The following GLDC variants were observed in gnomAD, a reference collection of about 807,000 sequenced individuals.
GLDC encodes the protein glycine decarboxylase.
Under a neutral mutation model 121.3 loss-of-function variants are expected in GLDC, and 104 were observed. The ratio of observed to expected loss-of-function variants is 0.86; its 90% confidence interval spans 0.73 to 1.01. GLDC has a LOEUF of 1.01. Ranked by LOEUF, GLDC falls within the 50% of genes least tolerant of loss-of-function variation. The pLI is 0.00. For synonymous variants in GLDC, 546 were observed against 480.6 expected, an observed-to-expected ratio of 1.14 and a Z score of -1.78; for missense variants, 1,429 against 1,306.6, an observed-to-expected ratio of 1.09 and a Z score of -1.44.
rs1281499479 is a variant in GLDC, at chr9:6,606,661, T to G, written c.644A>C (p.Lys215Thr). 1.9e-6 allele frequency: 3 copies of G among 1,596,684 alleles called. No homozygotes were observed. The highest frequency in any genetic ancestry group is 3.3e-4 in the Middle Eastern group (2 of 6,018). Residue 215 changes from lysine (K) to threonine (T), a missense_variant, in exon 5 of 25, where the codon AAG becomes ACG. Physicochemically the swap from Lys to Thr is moderately conservative, Grantham distance 78. Coordinates refer to ENST00000321612, the MANE Select transcript of GLDC (RefSeq NM_000170.3). Reference protein sequence around the residue: ...EALQLCYRHNKRRKFLVDPRC... With the variant: ...EALQLCYRHNTRRKFLVDPRC... ...GGGATCAACGAGAAATTTCCTCCTCTTGTTGTGTCTGTTGAAAAGAAAAAG... is the reference window on the plus strand; with the variant it reads ...GGGATCAACGAGAAATTTCCTCCTCGTGTTGTGTCTGTTGAAAAGAAAAAG...
chr9:6,593,002 A>T lies in GLDC; in HGVS notation c.1262-12T>A, dbSNP rs1818408232. On this transcript the variant is annotated splice_polypyrimidine_tract_variant and intron_variant, in intron 9 of 24. Transcript: ENST00000321612. ...TGCTCGCTTGAGACCTACACAAGAT[A>T]GGAGATCCCCCAAACTCTCATATAG... is the stretch of plus-strand genomic sequence containing the variant. 2 of 1,613,992 alleles carry T rather than the reference A, an allele frequency of 1.2e-6. No homozygotes were observed. The highest frequency in any genetic ancestry group is 4.5e-5 in the East Asian group (2 of 44,880).
rs576749831 is a variant in GLDC at position 6,613,539 on chromosome 9, T to G, written c.471-3183A>C. 7.9e-5 allele frequency among the ~76,000 whole-genome samples: 12 copies of G among 152,334 alleles called. No individual in the cohort carries two copies. The South Asian group carries it at 2.5e-3, about 32-fold the overall frequency. On this transcript the variant is annotated intron_variant, in intron 3 of 24. Transcript: ENST00000321612. Reference sequence around the variant, plus strand: ...CATGAACAATGTCTAACATAACATCTTTAAATACTATTCAAAAACATGATT... The same window carrying G: ...CATGAACAATGTCTAACATAACATCGTTAAATACTATTCAAAAACATGATT...
rs1055271179 is a variant in GLDC at position 6,622,971 on chromosome 9, G to C, written c.335-2652C>G. On this transcript the variant is annotated intron_variant, in intron 2 of 24. Transcript: ENST00000321612. Reference sequence around the variant, plus strand: ...AGGTGAGGAACGTCTCCGCCCGGCAGCCACCCCGTCCGGGAGGGAGGTGGG... The same window carrying C: ...AGGTGAGGAACGTCTCCGCCCGGCACCCACCCCGTCCGGGAGGGAGGTGGG... 2.3e-4 allele frequency: 45 copies of C among 191,496 alleles called. 1 individual carries two copies. Among genetic ancestry groups the C allele is most frequent in the Middle Eastern group, 2.5e-3 (1 of 402 alleles). The allele number at this position is 191,496 out of a possible 1,614,324, so 11.9% of individuals were successfully genotyped here.
At chr9:6,603,785 G>A (rs1818672099) in intron 7 of GLDC, among the ~76,000 whole-genome samples, 1 of 147,828 alleles carries the variant, frequency 6.8e-6, no homozygotes. Context: ...ACTGGAGTGA[G>A]GCAGCGCGAT....
In GLDC at chr9:6,597,475, G is replaced by A. The variant is rs929019574; in HGVS notation, c.1156-2356C>T. Among the ~76,000 whole-genome samples the A allele has an allele frequency of 2.0e-5, 3 of 152,274 alleles. No homozygotes were observed. In the South Asian group the frequency reaches 6.2e-4, roughly 32 times the overall value. The stretch of plus-strand genomic sequence containing the variant: ...GCTGGATGCAGTGGCTCACACCAGT[G>A]ATCCCAACACTTTGGGAGGCTGAGG... On this transcript the variant is annotated intron_variant, in intron 8 of 24. Transcript: ENST00000321612.
intron 15 of GLDC, among the ~76,000 whole-genome samples, chr9:6,585,868 GTATCTATC>G (rs1214635048): frequency 1.2e-4 from 14 of 116,458 alleles, no homozygotes; most frequent in East Asian, 3.9e-4. Context: ...ATGTATGTAT[GTATCTATC>G]TATCTATCTA....
chr9:6,561,779 A>G (rs1019196708), intron 16 of GLDC, among the ~76,000 whole-genome samples: 2 of 151,966 alleles, frequency 1.3e-5, no homozygotes, highest in Admixed American at 1.3e-4. Flanking sequence ...TGTTTTCTCA[A>G]CTCCCCAGGG....
rs1451541294 is a variant in GLDC at position 6,620,043 on chromosome 9, CG to C, written c.470+140del. Reference sequence around the variant, plus strand: ...GAACATTTCTCGATCCAGAGAAACCCGGTAGGTTCCCGGACATTGGAGACAG... The same window carrying C: ...GAACATTTCTCGATCCAGAGAAACCCGTAGGTTCCCGGACATTGGAGACAG... On this transcript the variant is annotated intron_variant, in intron 3 of 24. Transcript: ENST00000321612. The C allele has an allele frequency of 4.9e-6, 4 of 811,216 alleles. No individual in the cohort carries two copies. The East Asian group carries it at 1.0e-4, about 20-fold the overall frequency. The allele number at this position is 811,216 out of a possible 1,614,324, so 50.3% of individuals were successfully genotyped here.
At chr9:6,597,681 A>C (rs1419685229) in intron 8 of GLDC, among the ~76,000 whole-genome samples, 1 of 152,080 alleles carries the variant, frequency 6.6e-6, no homozygotes, top group Non-Finnish European at 1.5e-5. Flanking sequence ...TAACGCCTGT[A>C]ATCCCAGCAC....
chr9:6,599,991 C>T (rs1289094202), intron 8 of GLDC, among the ~76,000 whole-genome samples: 5 of 152,106 alleles, frequency 3.3e-5, no homozygotes, highest in Non-Finnish European at 4.4e-5. Context: ...TGGTTCTAGA[C>T]GCCAAAGCCC....
chr9:6,553,786 T>C (rs1011903217), intron 19 of GLDC, among the ~76,000 whole-genome samples: 1 of 151,998 alleles, frequency 6.6e-6, no homozygotes, highest in African/African-American at 2.4e-5. Flanking sequence ...TGGAGTTCCA[T>C]GTCCCTCCCT....
intron 4 of GLDC, 66 bp downstream of exon 4, chr9:6,610,126 G>T: frequency 8.1e-7 from 1 of 1,227,536 alleles, no homozygotes; most frequent in South Asian, 1.3e-5. Context: ...ATATACTATA[G>T]AAAGAAAACA....
intron 21 of GLDC, chr9:6,540,417 G>A (rs1817230712): frequency 4.5e-6 from 2 of 446,650 alleles, no homozygotes; most frequent in South Asian, 4.3e-5. Flanking sequence ...TGGCAGGTGG[G>A]GGGCATTACT....
intron 4 of GLDC, 88 bp from the exon 5 acceptor site, chr9:6,606,757 G>C: frequency 1.2e-6 from 1 of 831,136 alleles, no homozygotes; most frequent in Non-Finnish European, 2.1e-6. Context: ...AGTACCGAGG[G>C]TAAGTCTAAG....
intron 2 of GLDC, among the ~76,000 whole-genome samples, chr9:6,627,294 TCA>T (rs1491404230): frequency 2.4e-5 from 1 of 41,698 alleles, no homozygotes; most frequent in Non-Finnish European, 3.9e-5. Flanking sequence ...AGACTCCATC[TCA>T]AAAAAAAAAA....
Position 6,591,862 on chromosome 9 carries a change from A to G in GLDC, c.1482+281T>C, listed in dbSNP as rs113326675. ...CCCCCTGACCTCCCAAAGTGCTGGGATTACAGGCATGAGCCACCATCCCCA... is the reference window on the plus strand; with the variant it reads ...CCCCCTGACCTCCCAAAGTGCTGGGGTTACAGGCATGAGCCACCATCCCCA... On this transcript the variant is annotated intron_variant, in intron 11 of 24. Coordinates refer to ENST00000321612, the MANE Select transcript of GLDC (RefSeq NM_000170.3). The G allele has an allele frequency of 0.06, 11,007 of 183,728 alleles. 719 individuals carry two copies. Among genetic ancestry groups the G allele is most frequent in the African/African-American group, 0.2 (7,242 of 36,054 alleles). The allele number at this position is 183,728 out of a possible 1,614,324, so 11.4% of individuals were successfully genotyped here.
In GLDC at chr9:6,606,060, G is replaced by T. The variant is rs149241684; in HGVS notation, c.713+532C>A. 1,057 of 159,526 alleles carry T rather than the reference G, an allele frequency of 6.6e-3. 12 individuals carry two copies. The highest frequency in any genetic ancestry group is 0.023 in the African/African-American group (968 of 41,536). The allele number at this position is 159,526 out of a possible 1,614,324, so 9.9% of individuals were successfully genotyped here. ...CAGTGGCTCAAGCCTGTAATCCCAG[G>T]ACTTTGGGAGGCGGAGGTGGGCGGG... is the stretch of plus-strand genomic sequence containing the variant. On this transcript the variant is annotated intron_variant, in intron 5 of 24. Transcript: ENST00000321612.
chr9:6,543,921 A>G (rs1817328381), intron 21 of GLDC, among the ~76,000 whole-genome samples: 1 of 143,714 alleles, frequency 7.0e-6, no homozygotes, highest in South Asian at 2.2e-4. Context: ...AAGCAAGGTA[A>G]ACGTTGGGTG....
chr9:6,605,460 A>G (rs1336517313), intron 5 of GLDC, 182 bp from the exon 6 acceptor site: 3 of 660,672 alleles, frequency 4.5e-6, no homozygotes, highest in Non-Finnish European at 8.2e-6. Flanking sequence ...ACTCAAGCGC[A>G]TCCAACAGCT....
Sources: gnomAD v4.1 joint callset for allele counts (sites outside exome capture counted in the v4.1 genomes callset) on GRCh38, gnomAD v4.1.1 for gene constraint, MANE v1.5 for transcripts, NCBI Gene and HGNC (gene_info 2026-07-23, HGNC 2026-07-21) for gene names.